Variants in AMDHD1 observed in about 807,000 individuals in gnomAD.
AMDHD1 encodes the protein amidohydrolase domain containing 1.
A neutral mutation model predicts 44.1 loss-of-function variants in AMDHD1; 45 were observed. That is an observed-to-expected ratio of 1.02 (90% confidence interval 0.80 to 1.31). The LOEUF is 1.31. AMDHD1 is among the 50% of genes most tolerant of loss of function. The probability of loss-of-function intolerance (pLI) is 0.00; values close to 1 mark genes in which losing one functional copy is unlikely to be tolerated. For missense variants in AMDHD1, 586 were observed against 552.1 expected (o/e 1.06, Z -0.61); for synonymous variants, 206 against 205.0 (o/e 1.00, Z -0.04).
In AMDHD1 at chr12:95,962,346, TCTC is replaced by T; in HGVS notation, c.814-6_814-4del. On this transcript the variant is annotated splice_region_variant and splice_polypyrimidine_tract_variant and intron_variant, in intron 5 of 8. Coordinates refer to ENST00000266736, the MANE Select transcript of AMDHD1 (RefSeq NM_152435.3). ...GTTAAATCTTTCCCTCTCTGCCCAT[TCTC>T]CTTAGCTTGGGGCTGAACTGGGAGC... 3 of 1,609,664 alleles carry T rather than the reference TCTC, an allele frequency of 1.9e-6. No individual in the cohort carries two copies. Among genetic ancestry groups the T allele is most frequent in the Non-Finnish European group, 2.5e-6 (3 of 1,177,396 alleles).
rs1298086620 is a variant in AMDHD1, at chr12:95,967,808, G to A, written c.1246G>A (p.Val416Ile). 1.9e-6 allele frequency: 3 copies of A among 1,559,722 alleles called. No homozygotes were observed. Among genetic ancestry groups the A allele is most frequent in the Non-Finnish European group, 2.6e-6 (3 of 1,152,302 alleles). ...AGGCCATCATGAATTAATTGAATATGTTATAGCTAAAGGAAAACTCATCTA... is the reference window on the plus strand; with the variant it reads ...AGGCCATCATGAATTAATTGAATATATTATAGCTAAAGGAAAACTCATCTA... ...FGGHHELIEYVIAKGKLIYKT is the reference protein window; with the variant it reads ...FGGHHELIEYIIAKGKLIYKT Residue 416 changes from valine to isoleucine, a missense_variant, in exon 9 of 9, where the codon GTT (valine) becomes ATT (isoleucine). Val to Ile is a conservative substitution (Grantham distance 29). Coordinates refer to ENST00000266736, the MANE Select transcript of AMDHD1 (RefSeq NM_152435.3).
intron 5 of AMDHD1, among the ~76,000 whole-genome samples, chr12:95,961,966 T>C (rs1225694022): frequency 6.6e-6 from 1 of 152,240 alleles, no homozygotes; most frequent in East Asian, 1.9e-4. Flanking sequence ...GCTGTTTCTC[T>C]TTATGGGAAA....
intron 4 of AMDHD1, among the ~76,000 whole-genome samples, chr12:95,958,771 G>T (rs546663670): frequency 5.9e-5 from 9 of 152,092 alleles, no homozygotes; most frequent in African/African-American, 9.7e-5. Flanking sequence ...AATAACTTGC[G>T]CAGGCAGGGC....
chr12:95,955,928 G>A (rs528698302), intron 3 of AMDHD1, among the ~76,000 whole-genome samples: 6 of 152,270 alleles, frequency 3.9e-5, no homozygotes, highest in African/African-American at 7.2e-5. Context: ...TCCTGGGGCC[G>A]CTTTAGTGGA....
At chr12:95,955,695 G>A (rs530561971) in intron 3 of AMDHD1, among the ~76,000 whole-genome samples, 7 of 152,286 alleles carry the variant, frequency 4.6e-5, no homozygotes, top group African/African-American at 1.7e-4. Flanking sequence ...GGAGAAAGCT[G>A]GGTCTAGAGA....
rs1169505623 is a variant in AMDHD1 at position 95,943,347 on chromosome 12, T to C, written c.-52T>C. 30 of 1,190,418 alleles carry C rather than the reference T, an allele frequency of 2.5e-5. No individual in the cohort carries two copies. Among genetic ancestry groups the C allele is most frequent in the Non-Finnish European group, 3.2e-5 (30 of 945,166 alleles). 73.7% of individuals were successfully genotyped at this position (1,190,418 alleles called of 1,614,324 possible). On this transcript the variant is annotated 5_prime_UTR_variant, in exon 1 of 9. Coordinates refer to ENST00000266736, the MANE Select transcript of AMDHD1 (RefSeq NM_152435.3). ...CGGCTTTTCGTCCTCCACTGAGTCC[T>C]GCCGGTGGCCCGAGCCCGGTGGCCT... is the stretch of plus-strand genomic sequence containing the variant.
chr12:95,949,140 T>TAAAAAAAAAAAAAAAAAAAAAAA (rs1170844527), intron 1 of AMDHD1, among the ~76,000 whole-genome samples: 4 of 4,460 alleles, frequency 9.0e-4, no homozygotes, highest in Non-Finnish European at 1.3e-3. Flanking sequence ...AAAAATAAAT[T>TAAAAAAAAAAAAAAAAAAAAAAA]AAAAAAAAAA....
intron 1 of AMDHD1, among the ~76,000 whole-genome samples, chr12:95,945,447 A>C (rs953155924): frequency 4.6e-5 from 7 of 152,234 alleles, no homozygotes; most frequent in African/African-American, 1.7e-4. Context: ...CTTATATATT[A>C]GGTTGGTGCA....
intron 4 of AMDHD1, among the ~76,000 whole-genome samples, chr12:95,959,260 T>C (rs951668061): frequency 1.3e-5 from 2 of 152,142 alleles, no homozygotes; most frequent in Non-Finnish European, 2.9e-5. Flanking sequence ...GGATTCCCAT[T>C]GGTAAAGCCT....
chr12:95,968,408 C>T lies in AMDHD1; in HGVS notation c.*565C>T, dbSNP rs1565980464. 6.5e-6 allele frequency: 1 copy of T among 152,718 alleles called. No homozygotes were observed. The highest frequency in any genetic ancestry group is 1.5e-5 in the Non-Finnish European group (1 of 68,472). 9.5% of individuals were successfully genotyped at this position (152,718 alleles called of 1,614,324 possible). ...GGTCTTCTCAATCTCAGCAATAGAG[C>T]TTCCCAGCAGCGTTCAAGACACATC... On this transcript the variant is annotated 3_prime_UTR_variant, in exon 9 of 9. Coordinates refer to ENST00000266736, the MANE Select transcript of AMDHD1 (RefSeq NM_152435.3).
chr12:95,950,768 G>A (rs1023165625), intron 1 of AMDHD1, among the ~76,000 whole-genome samples: 1 of 152,064 alleles, frequency 6.6e-6, no homozygotes, highest in Non-Finnish European at 1.5e-5. Flanking sequence ...CAATCTTACC[G>A]GCTAGACCTT....
In AMDHD1 at chr12:95,956,913, C is replaced by T. The variant is rs1343018329; in HGVS notation, c.538C>T (p.Leu180=). 4 of 1,612,892 alleles carry T rather than the reference C, an allele frequency of 2.5e-6. No homozygotes were observed. The highest frequency in any genetic ancestry group is 2.5e-6 in the Non-Finnish European group (3 of 1,179,982). The part of the protein sequence containing the change: ...LRVIERARRE[L]DIGISATYCG... ...CGTGATTGAGCGCGCCCGGCGGGAG[C>T]TGGACATCGGCATCTCGGCTACCTA... Residue 180 remains leucine, a synonymous_variant, in exon 4 of 9, where the codon CTG becomes TTG. Transcript: ENST00000266736.
At position 95,967,867 on chromosome 12, in the gene AMDHD1, T is replaced by C; in HGVS notation, c.*24T>C. ...GATAGATTTGAAAAGAGAAGACTTT[T>C]TGACTATATGAAATAAGTCAATATA... is the stretch of plus-strand genomic sequence containing the variant. On this transcript the variant is annotated 3_prime_UTR_variant, in exon 9 of 9. Transcript: ENST00000266736. The C allele has an allele frequency of 6.9e-7, 1 of 1,455,822 alleles. No homozygotes were observed. Among genetic ancestry groups the C allele is most frequent in the Non-Finnish European group, 9.4e-7 (1 of 1,063,018 alleles). 90.2% of individuals were successfully genotyped at this position (1,455,822 alleles called of 1,614,324 possible).
intron 7 of AMDHD1, 86 bp from the exon 8 acceptor site, chr12:95,966,262 C>G: frequency 2.0e-6 from 3 of 1,487,420 alleles, no homozygotes; most frequent in South Asian, 2.5e-5. Context: ...TTAACTGCCT[C>G]TATTTGTTGT....
At chr12:95,947,844 C>T (rs1255270032) in intron 1 of AMDHD1, among the ~76,000 whole-genome samples, 59 of 98,786 alleles carry the variant, frequency 6.0e-4, no homozygotes, top group African/African-American at 2.1e-3. Context: ...GCCAGCCGCC[C>T]CGTCTGGGAG....
intron 1 of AMDHD1, among the ~76,000 whole-genome samples, chr12:95,949,593 C>T (rs1235222617): frequency 6.6e-6 from 1 of 152,074 alleles, no homozygotes; most frequent in Non-Finnish European, 1.5e-5. Context: ...TCACTCAAAC[C>T]CCATCATTAG....
intron 1 of AMDHD1, among the ~76,000 whole-genome samples, chr12:95,949,494 T>C (rs570892829): frequency 6.6e-6 from 1 of 152,320 alleles, no homozygotes; most frequent in African/African-American, 2.4e-5. Context: ...TAAAACCACA[T>C]GTGCCTATTA....
intron 3 of AMDHD1, among the ~76,000 whole-genome samples, chr12:95,956,176 T>TCAG (rs2080548614): frequency 6.6e-6 from 1 of 152,198 alleles, no homozygotes. Flanking sequence ...TGGTGCGATC[T>TCAG]CAGCTCCCTG....
At chr12:95,950,655 C>A (rs1222307274) in intron 1 of AMDHD1, among the ~76,000 whole-genome samples, 1 of 152,228 alleles carries the variant, frequency 6.6e-6, no homozygotes, top group Non-Finnish European at 1.5e-5. Context: ...CTTGCTCTCC[C>A]ATGCATGGCC....
Sources: gnomAD v4.1 joint callset for allele counts (sites outside exome capture counted in the v4.1 genomes callset) on GRCh38, gnomAD v4.1.1 for gene constraint, MANE v1.5 for transcripts, NCBI Gene and HGNC (gene_info 2026-07-23, HGNC 2026-07-21) for gene names.